Variants in MYOM1 observed in about 807,000 individuals in gnomAD.
The protein encoded by MYOM1 is myomesin-1.
MYOM1 carries 164 observed loss-of-function variants against 205.3 expected under a neutral mutation model. The observed-to-expected ratio is 0.80, with a 90% CI of 0.70 to 0.91. The LOEUF (loss-of-function observed/expected upper bound fraction) is 0.91. Among genes scored for constraint, MYOM1 ranks in the 40% least tolerant of loss-of-function variants. The pLI, the probability that MYOM1 is intolerant of heterozygous loss-of-function variation, is 0.00. For synonymous variants in MYOM1, 772 were observed against 789.4 expected (o/e 0.98, Z 0.37); for missense variants, 2,011 against 2,127.3 (o/e 0.95, Z 1.08).
At chr18:3,229,600 A>G in the MYOM1 span, among the ~76,000 whole-genome samples, 1 of 152,214 alleles carries the variant, frequency 6.6e-6, no homozygotes, top group South Asian at 2.1e-4. Context: ...CATCAACCAA[A>G]TATGAATGTA....
intron 19 of MYOM1, among the ~76,000 whole-genome samples, chr18:3,124,317 T>TC: frequency 6.7e-6 from 1 of 149,486 alleles, no homozygotes; most frequent in African/African-American, 2.5e-5. Context: ...TTTTTTTTTT[T>TC]TGAGATGGAG....
At chr18:3,096,371 A>C (rs2079303853) in intron 25 of MYOM1, among the ~76,000 whole-genome samples, 1 of 152,208 alleles carries the variant, frequency 6.6e-6, no homozygotes. Context: ...GGCATATAAT[A>C]AATGCTCTAT....
chr18:3,191,313 G>GT (rs1567959986), intron 3 of MYOM1, among the ~76,000 whole-genome samples: 6 of 152,356 alleles, frequency 3.9e-5, no homozygotes. Context: ...GAAGCACACT[G>GT]TGAGTGCAGA....
rs780656014 is a variant in MYOM1, at chr18:3,176,121, C to A, written c.943G>T (p.Val315Leu). The A allele has an allele frequency of 6.2e-7, 1 of 1,606,294 alleles. No homozygotes were observed. The highest frequency in any genetic ancestry group is 8.5e-7 in the Non-Finnish European group (1 of 1,173,206). ...GGGTTTGCATGGACATTTATTGGCACCTGGTTTTTATACCTATAACAGAAT... is the reference window on the plus strand; with the variant it reads ...GGGTTTGCATGGACATTTATTGGCAACTGGTTTTTATACCTATAACAGAAT... Reference protein sequence around the residue: ...EPRVTWYKNQVPINVHANPGK... With the variant: ...EPRVTWYKNQLPINVHANPGK... The change falls in exon 6 of 38, where the codon GTG (valine) becomes TTG (leucine). Residue 315 changes from valine (V) to leucine (L), a missense_variant. By Grantham distance (32) the Val-to-Leu change is conservative. Coordinates refer to ENST00000356443, the MANE Select transcript of MYOM1 (RefSeq NM_003803.4).
At chr18:3,228,289 G>A in the MYOM1 span, among the ~76,000 whole-genome samples, 1 of 152,156 alleles carries the variant, frequency 6.6e-6, no homozygotes, top group Non-Finnish European at 1.5e-5. The surrounding 1 kb of genome is among the most constrained non-coding windows in gnomAD (Gnocchi z 4.5). Context: ...TTCAGAGGGA[G>A]ATATTCTTGT....
In MYOM1 at chr18:3,121,450, C is replaced by T. The variant is rs372487125; in HGVS notation, c.2992-1455G>A. Among the ~76,000 whole-genome samples, 19 of 152,120 alleles carry T rather than the reference C, an allele frequency of 1.2e-4. No homozygotes were observed. In the East Asian group the frequency reaches 1.3e-3, roughly 11 times the overall value. ...CAGACCAAGAGTTGAATGTCAGCGG[C>T]AACAATGGGCCAGAAGATGGTGCAA... is the stretch of plus-strand genomic sequence containing the variant. On this transcript the variant is annotated intron_variant, in intron 19 of 37. Coordinates refer to ENST00000356443, the MANE Select transcript of MYOM1 (RefSeq NM_003803.4).
At chr18:3,200,745 T>C (rs73377235) in intron 2 of MYOM1, among the ~76,000 whole-genome samples, 3,848 of 152,046 alleles carry the variant, frequency 0.025, 127 homozygotes, top group African/African-American at 0.081. Flanking sequence ...TGAGACAATG[T>C]CAAACATACT....
At chr18:3,206,538 G>C (rs1009511456) in intron 2 of MYOM1, among the ~76,000 whole-genome samples, 1 of 152,082 alleles carries the variant, frequency 6.6e-6, no homozygotes, top group Non-Finnish European at 1.5e-5. Flanking sequence ...TTTTCTGTTC[G>C]CCACAATTTC....
chr18:3,110,165 G>T (rs970399624), intron 22 of MYOM1, among the ~76,000 whole-genome samples: 1 of 152,162 alleles, frequency 6.6e-6, no homozygotes, highest in Non-Finnish European at 1.5e-5. Context: ...TTTTACATGA[G>T]CATGAATATA....
chr18:3,106,412 A>G (rs147086331), intron 22 of MYOM1, among the ~76,000 whole-genome samples: 1 of 152,364 alleles, frequency 6.6e-6, no homozygotes, highest in Non-Finnish European at 1.5e-5. Flanking sequence ...ACTTCAACCT[A>G]TGAGTCGTAC....
At chr18:3,141,804 T>C (rs2080053234) in intron 14 of MYOM1, 135 bp downstream of exon 14, 3 of 1,122,190 alleles carry the variant, frequency 2.7e-6, no homozygotes, top group South Asian at 2.8e-5. Context: ...CAGTTCACAG[T>C]TGATAACAAT....
At chr18:3,244,733 C>CA in the MYOM1 span, among the ~76,000 whole-genome samples, 734 of 118,780 alleles carry the variant, frequency 6.2e-3, 2 homozygotes, top group African/African-American at 8.8e-3. Flanking sequence ...TACTAAAATA[C>CA]AAAAAAAAAA....
intron 10 of MYOM1, among the ~76,000 whole-genome samples, chr18:3,161,472 TGCACTAAGCAGAAGTGATGAGG>T (rs927765613): frequency 9.2e-5 from 14 of 152,144 alleles, no homozygotes; most frequent in African/African-American, 1.9e-4. Context: ...GTGCTAAGTG[TGCACTAAGCAGAAGTGATGAGG>T]GCACTAAGCA....
the MYOM1 span, chr18:3,246,678 T>C: frequency 6.6e-6 from 1 of 152,248 alleles, no homozygotes; most frequent in Non-Finnish European, 1.5e-5. Flanking sequence ...TCCAGAAGGA[T>C]TCAAGTGGCG....
At chr18:3,077,285 T>C (rs1041545166) in intron 34 of MYOM1, among the ~76,000 whole-genome samples, 2 of 152,130 alleles carry the variant, frequency 1.3e-5, no homozygotes, top group Admixed American at 6.6e-5. Flanking sequence ...TCTCAAAATG[T>C]TGGGATGACA....
At chr18:3,124,705 C>G (rs2079754265) in intron 19 of MYOM1, among the ~76,000 whole-genome samples, 1 of 151,822 alleles carries the variant, frequency 6.6e-6, no homozygotes, top group Non-Finnish European at 1.5e-5. Context: ...TAACTCACAG[C>G]ATATAAAAAT....
At chr18:3,161,073 T>C (rs939127855) in intron 10 of MYOM1, among the ~76,000 whole-genome samples, 3 of 152,220 alleles carry the variant, frequency 2.0e-5, no homozygotes, top group Non-Finnish European at 4.4e-5. Context: ...TAGTTCATCC[T>C]CATCTAGCCA....
At chr18:3,122,427 T>C (rs2143844423) in intron 19 of MYOM1, among the ~76,000 whole-genome samples, 1 of 152,304 alleles carries the variant, frequency 6.6e-6, no homozygotes, top group East Asian at 1.9e-4. Context: ...TTCATAATGG[T>C]AAAGAGTCAC....
intron 16 of MYOM1, among the ~76,000 whole-genome samples, chr18:3,133,626 T>G (rs565106879): frequency 1.9e-3 from 283 of 152,312 alleles, no homozygotes; most frequent in African/African-American, 6.3e-3. Flanking sequence ...GTAATTTATG[T>G]TAAGTAGAGT....
Sources: allele counts gnomAD v4.1 joint callset (sites outside exome capture counted in the v4.1 genomes callset), GRCh38; gene constraint gnomAD v4.1.1; non-coding constraint Gnocchi (gnomAD v3.1); transcripts MANE v1.5; gene names NCBI Gene and HGNC (gene_info 2026-07-23, HGNC 2026-07-21).